The following ZMIZ1 variants were observed in gnomAD, a reference collection of about 807,000 sequenced individuals.
ZMIZ1 encodes the protein zinc finger MIZ domain-containing protein 1.
A neutral mutation model predicts 113.9 loss-of-function variants in ZMIZ1; 17 were observed. That is an observed-to-expected ratio of 0.15 (90% CI 0.10 to 0.22). The LOEUF (loss-of-function observed/expected upper bound fraction) is 0.22. Ranked by LOEUF, ZMIZ1 falls within the 10% of genes least tolerant of loss-of-function variation. The pLI is 1.00. For missense variants in ZMIZ1, 1,059 were observed against 1,477.8 expected (o/e 0.72, Z 4.65); for synonymous variants, 607 against 603.1 (o/e 1.01, Z -0.09).
chr10:79,287,819 G>A (rs923687639), intron 8 of ZMIZ1, among the ~76,000 whole-genome samples: 6 of 152,198 alleles, frequency 3.9e-5, no homozygotes, highest in African/African-American at 1.4e-4. Flanking sequence ...GATTGAGTGA[G>A]GAAACTTGCA....
In ZMIZ1 at chr10:79,301,501, G is replaced by T. The variant is rs149047659; in HGVS notation, c.2019+559G>T. 2.1e-3 allele frequency among the ~76,000 whole-genome samples: 317 copies of T among 152,074 alleles called. 13 individuals are homozygous for T. The East Asian group carries it at 0.059, about 28-fold the overall frequency. On this transcript the variant is annotated intron_variant, in intron 17 of 24. Transcript: ENST00000334512. The stretch of plus-strand genomic sequence containing the variant: ...CTGAAGATCAGGGCCCAACACACAG[G>T]GCTTGCTCAGGCCCCAGTGGAAGTA...
chr10:79,279,692 G>A (rs557788498), intron 8 of ZMIZ1, among the ~76,000 whole-genome samples: 3 of 152,354 alleles, frequency 2.0e-5, no homozygotes, highest in African/African-American at 4.8e-5. Context: ...CTGAGTGAGC[G>A]AGACTCCGTC....
intron 3 of ZMIZ1, among the ~76,000 whole-genome samples, chr10:79,143,058 A>G (rs1845342021): frequency 6.6e-6 from 1 of 151,540 alleles, no homozygotes; most frequent in Admixed American, 6.6e-5. Flanking sequence ...TTCTTTCTCC[A>G]TCTCTGTCTC....
intron 7 of ZMIZ1, among the ~76,000 whole-genome samples, chr10:79,261,381 C>T (rs1851258621): frequency 6.6e-6 from 1 of 152,200 alleles, no homozygotes; most frequent in Admixed American, 6.5e-5. Context: ...CTGTTTTCTG[C>T]AGGGAGAGAG....
intron 10 of ZMIZ1, 61 bp downstream of exon 10, chr10:79,291,237 G>A (rs552041555): frequency 6.0e-6 from 9 of 1,490,796 alleles, no homozygotes; most frequent in Non-Finnish European, 8.1e-6. Flanking sequence ...CCTTCCAGTG[G>A]GGAGGGACCC....
chr10:79,265,175 G>A (rs901505202), intron 7 of ZMIZ1, among the ~76,000 whole-genome samples: 1 of 152,178 alleles, frequency 6.6e-6, no homozygotes, highest in African/African-American at 2.4e-5. Flanking sequence ...AGAGGGGGCG[G>A]GCGTGCGAGG....
rs138483797 is a variant in ZMIZ1 at position 79,076,419 on chromosome 10, G to C, written c.-337+7149G>C. 2.6e-3 allele frequency among the ~76,000 whole-genome samples: 395 copies of C among 152,320 alleles called. 3 individuals are homozygous for C. The highest frequency in any genetic ancestry group is 8.7e-3 in the African/African-American group (362 of 41,568). On this transcript the variant is annotated intron_variant, in intron 1 of 24. Transcript: ENST00000334512. The stretch of plus-strand genomic sequence containing the variant: ...GAGGACGAAGGATGGGGAGTTTTCA[G>C]TGGCATTCCCAGACTCCCAGATCCT...
intron 7 of ZMIZ1, among the ~76,000 whole-genome samples, chr10:79,276,843 C>A (rs1174349803): frequency 6.6e-6 from 1 of 152,116 alleles, no homozygotes; most frequent in Non-Finnish European, 1.5e-5. Flanking sequence ...GGCCCCCTCA[C>A]TCCTCCAGTT....
At chr10:79,150,156 C>T (rs533465461) in intron 3 of ZMIZ1, among the ~76,000 whole-genome samples, 33 of 152,326 alleles carry the variant, frequency 2.2e-4, no homozygotes, top group African/African-American at 6.5e-4. Flanking sequence ...AAACCCAACC[C>T]TGGCCTGGCC....
rs376199658 is a variant in ZMIZ1 at position 79,290,690 on chromosome 10, C to A, written c.541-269C>A. On this transcript the variant is annotated intron_variant, in intron 9 of 24. Coordinates refer to ENST00000334512, the MANE Select transcript of ZMIZ1 (RefSeq NM_020338.4). ...ACTGGGCTGCGCAGCCCCTGGGGAC[C>A]GCTTGAACTGGCTTTGTGGGGCTTG... 1.2e-4 allele frequency: 80 copies of A among 659,624 alleles called. 1 individual carries two copies. In the African/African-American group the frequency reaches 1.2e-3, roughly 10 times the overall value. 40.9% of individuals were successfully genotyped at this position (659,624 alleles called of 1,614,324 possible). A position where few individuals can be genotyped will look rare whatever the true frequency, so the allele number is the denominator to read the frequency against.
intron 4 of ZMIZ1, among the ~76,000 whole-genome samples, chr10:79,169,947 C>T (rs1367483959): frequency 6.6e-6 from 1 of 152,248 alleles, no homozygotes; most frequent in African/African-American, 2.4e-5. Context: ...ACTTCCCTCT[C>T]CAGAGACAAT....
intron 7 of ZMIZ1, among the ~76,000 whole-genome samples, chr10:79,265,859 A>G (rs1339232905): frequency 6.6e-6 from 1 of 152,136 alleles, no homozygotes; most frequent in Non-Finnish European, 1.5e-5. Context: ...GTTTGACCTC[A>G]GCGAATCCAC....
At chr10:79,106,705 T>C (rs1843572192) in intron 1 of ZMIZ1, among the ~76,000 whole-genome samples, 1 of 152,236 alleles carries the variant, frequency 6.6e-6, no homozygotes, top group Non-Finnish European at 1.5e-5. Context: ...GTTCATTCCA[T>C]ACCCACTCCC....
At chr10:79,115,352 C>T (rs1423677830) in intron 1 of ZMIZ1, among the ~76,000 whole-genome samples, 1 of 152,182 alleles carries the variant, frequency 6.6e-6, no homozygotes, top group Non-Finnish European at 1.5e-5. Flanking sequence ...AGCCTTGCCA[C>T]TTTTTGGCTT....
At chr10:79,191,844 T>C (rs944553430) in intron 4 of ZMIZ1, among the ~76,000 whole-genome samples, 5 of 152,238 alleles carry the variant, frequency 3.3e-5, no homozygotes, top group African/African-American at 1.2e-4. Context: ...TAGTAGCCTC[T>C]GTTTCTTCAC....
At chr10:79,121,836 A>G (rs938764090) in intron 2 of ZMIZ1, among the ~76,000 whole-genome samples, 1 of 152,150 alleles carries the variant, frequency 6.6e-6, no homozygotes, top group African/African-American at 2.4e-5. Context: ...AAGGCCAAGG[A>G]AGACCCAGCA....
chr10:79,069,903 TGC>T lies in ZMIZ1; in HGVS notation c.-337+634_-337+635del, dbSNP rs1842196735. Among the ~76,000 whole-genome samples, 1 of 151,300 alleles carries T rather than the reference TGC, an allele frequency of 6.6e-6. No homozygotes were observed. Among genetic ancestry groups the T allele is most frequent in the South Asian group, 2.1e-4 (1 of 4,778 alleles). ...CAAACGAGAAACGCGGAGGTGTGTG[TGC>T]AGGGTTTTCTCCCAGGGCTTCGCAA... On this transcript the variant is annotated intron_variant, in intron 1 of 24. Transcript: ENST00000334512. This position sits in a 1 kb window ranked among gnomAD's most constrained non-coding sequence, Gnocchi z 4.6.
chr10:79,141,780 G>A (rs1267292439), intron 3 of ZMIZ1, among the ~76,000 whole-genome samples: 1 of 152,138 alleles, frequency 6.6e-6, no homozygotes, highest in African/African-American at 2.4e-5. Context: ...GGATGTACTT[G>A]ACCTGTTCAA....
chr10:79,300,193 G>C (rs557154108), intron 16 of ZMIZ1, among the ~76,000 whole-genome samples: 1 of 152,350 alleles, frequency 6.6e-6, no homozygotes, highest in East Asian at 1.9e-4. Flanking sequence ...CCTTAGCTGG[G>C]AGTGTCCTGG....
Sources: gnomAD v4.1 joint callset for allele counts (sites outside exome capture counted in the v4.1 genomes callset) on GRCh38, gnomAD v4.1.1 for gene constraint, Gnocchi (gnomAD v3.1) non-coding constraint, MANE v1.5 for transcripts, NCBI Gene and HGNC (gene_info 2026-07-23, HGNC 2026-07-21) for gene names.